DLG2: variants seen among roughly 807,000 people sequenced by gnomAD.
DLG2 encodes disks large homolog 2.
Under a neutral mutation model 132.5 loss-of-function variants are expected in DLG2, and 45 were observed. The ratio of observed to expected loss-of-function variants is 0.34; its 90% CI spans 0.27 to 0.44. The LOEUF is 0.44. DLG2 is among the 20% of genes least tolerant of loss of function. The pLI is 1.00. For synonymous variants in DLG2, 424 were observed against 419.6 expected, an observed-to-expected ratio of 1.01 and a Z score of -0.13; for missense variants, 1,045 against 1,196.9, an observed-to-expected ratio of 0.87 and a Z score of 1.87.
chr11:83,792,785 A>C lies in DLG2; in HGVS notation c.1723-5993T>G, dbSNP rs189240121. Among the ~76,000 whole-genome samples the C allele has an allele frequency of 3.0e-4, 45 of 152,280 alleles. 1 individual carries two copies. The highest frequency in any genetic ancestry group is 1.1e-3 in the African/African-American group (44 of 41,584). On this transcript the variant is annotated intron_variant, in intron 17 of 27. Transcript: ENST00000376104. The stretch of plus-strand genomic sequence containing the variant: ...GGTAGCTTCATTATTTTGTTATTAT[A>C]AACAATGAGGTAATAAATATCATCT...
chr11:84,372,521 C>T (rs555328515), intron 7 of DLG2, among the ~76,000 whole-genome samples: 1 of 152,170 alleles, frequency 6.6e-6, no homozygotes, highest in South Asian at 2.1e-4. Context: ...GCTTTAACTT[C>T]CCATGAACTA....
At chr11:84,269,201 C>A (rs918524042) in intron 7 of DLG2, among the ~76,000 whole-genome samples, 1 of 152,130 alleles carries the variant, frequency 6.6e-6, no homozygotes, top group Non-Finnish European at 1.5e-5. Context: ...TGTCTGTCCC[C>A]ACCACTAGAA....
At chr11:84,567,122 G>A (rs531958210) in intron 6 of DLG2, among the ~76,000 whole-genome samples, 1 of 152,218 alleles carries the variant, frequency 6.6e-6, no homozygotes, top group Non-Finnish European at 1.5e-5. Flanking sequence ...TGAAAGTCTT[G>A]CTATGGGGTA....
chr11:83,972,661 A>G (rs549204809), intron 12 of DLG2, among the ~76,000 whole-genome samples: 10 of 152,294 alleles, frequency 6.6e-5, no homozygotes, highest in African/African-American at 1.9e-4. Flanking sequence ...AAATGATCGC[A>G]GAACACCAAA....
chr11:84,968,080 ACTTT>A (rs2053573882), intron 6 of DLG2, among the ~76,000 whole-genome samples: 1 of 152,178 alleles, frequency 6.6e-6, no homozygotes, highest in Non-Finnish European at 1.5e-5. Context: ...AGTTTATAAA[ACTTT>A]ATTTATAATA....
At chr11:85,392,982 T>G (rs2152950155) in intron 3 of DLG2, among the ~76,000 whole-genome samples, 1 of 152,258 alleles carries the variant, frequency 6.6e-6, no homozygotes, top group African/African-American at 2.4e-5. Flanking sequence ...AGATGGGACT[T>G]AATTAAACTA....
intron 6 of DLG2, among the ~76,000 whole-genome samples, chr11:85,037,212 T>C (rs957923764): frequency 3.9e-5 from 6 of 152,162 alleles, no homozygotes; most frequent in African/African-American, 1.2e-4. Flanking sequence ...TAAGCAATTA[T>C]ATGTCCCAAA....
At chr11:85,500,857 G>C (rs1597992629) in intron 3 of DLG2, among the ~76,000 whole-genome samples, 1 of 152,102 alleles carries the variant, frequency 6.6e-6, no homozygotes, top group Non-Finnish European at 1.5e-5. Context: ...AGTAATTTAT[G>C]GATTCCATGC....
intron 6 of DLG2, among the ~76,000 whole-genome samples, chr11:84,833,077 A>T (rs2079249202): frequency 6.6e-6 from 1 of 151,660 alleles, no homozygotes; most frequent in African/African-American, 2.4e-5. Context: ...AAAATTTTAT[A>T]AATTTGCTCT....
chr11:84,043,880 C>A (rs1384751), intron 11 of DLG2, among the ~76,000 whole-genome samples: 95,855 of 151,374 alleles, frequency 0.63, 33,168 homozygotes, highest in Non-Finnish European at 0.78. Flanking sequence ...CCATTTTCTA[C>A]CTTTATTTTT....
intron 21 of DLG2, among the ~76,000 whole-genome samples, chr11:83,491,136 T>A (rs2093817862): frequency 6.9e-6 from 1 of 145,530 alleles, no homozygotes; most frequent in Non-Finnish European, 1.5e-5. Context: ...CTTTTTATAG[T>A]TTTTTTTCTG....
At chr11:84,750,682 C>T (rs1202734093) in intron 6 of DLG2, among the ~76,000 whole-genome samples, 2 of 152,066 alleles carry the variant, frequency 1.3e-5, no homozygotes, top group African/African-American at 2.4e-5. Context: ...AGTTTTATTA[C>T]ATGGATCAAG....
intron 6 of DLG2, among the ~76,000 whole-genome samples, chr11:84,995,045 C>T (rs2057500843): frequency 6.6e-6 from 1 of 152,102 alleles, no homozygotes; most frequent in Admixed American, 6.6e-5. Flanking sequence ...ACCTGTGGTA[C>T]CATGTATTTG....
intron 6 of DLG2, among the ~76,000 whole-genome samples, chr11:84,827,350 G>T (rs1233845104): frequency 6.6e-6 from 1 of 151,204 alleles, no homozygotes; most frequent in Non-Finnish European, 1.5e-5. Flanking sequence ...TCAGAAACCA[G>T]CTAGAAAAAC....
chr11:84,765,547 A>G (rs1225147286), intron 6 of DLG2, among the ~76,000 whole-genome samples: 1 of 152,038 alleles, frequency 6.6e-6, no homozygotes, highest in East Asian at 1.9e-4. Context: ...ATTTTTTAGG[A>G]TCTACTGTTG....
intron 6 of DLG2, among the ~76,000 whole-genome samples, chr11:85,036,306 T>C (rs1308002519): frequency 2.0e-5 from 3 of 152,208 alleles, no homozygotes; most frequent in African/African-American, 7.2e-5. Context: ...GCAGTCACAC[T>C]ACATATTTTC....
In DLG2 at chr11:84,391,296, C is replaced by T. The variant is rs547606170; in HGVS notation, c.520-140005G>A. 2.6e-5 allele frequency among the ~76,000 whole-genome samples: 4 copies of T among 152,146 alleles called. No individual in the cohort carries two copies. In the South Asian group the frequency reaches 6.2e-4, roughly 24 times the overall value. ...AATGCAGACAAGTATGTACGTTATC[C>T]TTTATATAAAAAATATGAAATATTT... On this transcript the variant is annotated intron_variant, in intron 7 of 27. Coordinates refer to ENST00000376104, the MANE Select transcript of DLG2 (RefSeq NM_001142699.3).
At chr11:84,695,794 T>A (rs577765948) in intron 6 of DLG2, among the ~76,000 whole-genome samples, 1 of 151,604 alleles carries the variant, frequency 6.6e-6, no homozygotes, top group East Asian at 1.9e-4. Context: ...ATAATTAACA[T>A]ATGCTGAGTA....
chr11:85,422,086 T>C lies in DLG2; in HGVS notation c.41-136721A>G, dbSNP rs186954795. ...AATCTGATAGGTTTTCCTTTATAGG[T>C]TACCTGGTGCTTTTGTCTCAGTTCT... is the stretch of plus-strand genomic sequence containing the variant. On this transcript the variant is annotated intron_variant, in intron 3 of 27. Transcript: ENST00000376104. Among the ~76,000 whole-genome samples the C allele has an allele frequency of 1.4e-3, 207 of 152,330 alleles. 2 individuals are homozygous for C. The highest frequency in any genetic ancestry group is 0.013 in the Admixed American group (195 of 15,292).
Sources: gnomAD v4.1 joint callset for allele counts (sites outside exome capture counted in the v4.1 genomes callset) on GRCh38, gnomAD v4.1.1 for gene constraint, MANE v1.5 for transcripts, NCBI Gene and HGNC (gene_info 2026-07-23, HGNC 2026-07-21) for gene names.